Variants in ZBTB20 observed in about 807,000 individuals in gnomAD.
ZBTB20 encodes the protein zinc finger and BTB domain containing 20.
A neutral mutation model predicts 56.9 loss-of-function variants in ZBTB20; 9 were observed. The observed-to-expected ratio is 0.16, with a 90% CI of 0.10 to 0.28. ZBTB20 has a LOEUF of 0.28. ZBTB20 is among the 10% of genes least tolerant of loss of function. The probability of loss-of-function intolerance (pLI) is 1.00; values close to 1 mark genes in which losing one functional copy is unlikely to be tolerated. For missense variants in ZBTB20, 655 were observed against 1,003.0 expected (o/e 0.65, Z 4.69); for synonymous variants, 417 against 420.7 (o/e 0.99, Z 0.11).
rs1044471086 is a variant in ZBTB20 at position 114,335,103 on chromosome 3, A to C, written c.*3902T>G. The C allele has an allele frequency of 3.9e-5, 6 of 152,168 alleles. No individual in the cohort carries two copies. Among genetic ancestry groups the C allele is most frequent in the African/African-American group, 1.4e-4 (6 of 41,454 alleles). The allele number at this position is 152,168 out of a possible 1,614,324, so 9.4% of individuals were successfully genotyped here. A position where few individuals can be genotyped will look rare whatever the true frequency, so the allele number is the denominator to read the frequency against. On this transcript the variant is annotated 3_prime_UTR_variant, in exon 12 of 12. Coordinates refer to ENST00000675478, the MANE Select transcript of ZBTB20 (RefSeq NM_001348800.3). The stretch of plus-strand genomic sequence containing the variant: ...TTATTTTTTTATAAACCATATCTAA[A>C]TATCTTGAGATAAAAATTCCCCTTT...
chr3:115,018,761 G>A (rs918862689), intron 2 of ZBTB20, among the ~76,000 whole-genome samples: 1 of 151,288 alleles, frequency 6.6e-6, no homozygotes, highest in African/African-American at 2.4e-5. Context: ...TTAATGCTTC[G>A]GTAGCATTAA....
intron 5 of ZBTB20, among the ~76,000 whole-genome samples, chr3:114,717,724 T>C (rs780309705): frequency 9.9e-5 from 15 of 152,132 alleles, no homozygotes; most frequent in Non-Finnish European, 1.8e-4. Flanking sequence ...CTTCACTTTC[T>C]ATTCTTTTCT....
intron 4 of ZBTB20, among the ~76,000 whole-genome samples, chr3:114,818,047 A>T (rs188751239): frequency 2.6e-5 from 4 of 152,300 alleles, no homozygotes. Flanking sequence ...AATATCACAT[A>T]TCGTTTTTGT....
At chr3:114,682,047 G>T (rs886365253) in intron 6 of ZBTB20, among the ~76,000 whole-genome samples, 2 of 152,010 alleles carry the variant, frequency 1.3e-5, no homozygotes, top group African/African-American at 4.8e-5. Context: ...AAGTAATTCT[G>T]CTTTTTAAAG....
chr3:115,056,933 CT>C (rs2081816267), intron 2 of ZBTB20, among the ~76,000 whole-genome samples: 1 of 152,122 alleles, frequency 6.6e-6, no homozygotes, highest in African/African-American at 2.4e-5. Flanking sequence ...AGGTTTGTGT[CT>C]AATGAGAGCC....
intron 6 of ZBTB20, among the ~76,000 whole-genome samples, chr3:114,589,461 C>T (rs998585156): frequency 1.3e-5 from 2 of 152,140 alleles, no homozygotes; most frequent in African/African-American, 2.4e-5. Flanking sequence ...CATTCTTAAT[C>T]TCTTTGATTT....
At chr3:114,506,180 A>T (rs2044590637) in intron 6 of ZBTB20, among the ~76,000 whole-genome samples, 1 of 152,184 alleles carries the variant, frequency 6.6e-6, no homozygotes, top group Admixed American at 6.6e-5. Flanking sequence ...ATCCGTCTCA[A>T]GAAGAACAAT....
chr3:114,873,966 C>T (rs2076102390), intron 4 of ZBTB20: 1 of 152,152 alleles, frequency 6.6e-6, no homozygotes. Context: ...CCAACACTGC[C>T]TGGACAAATA....
chr3:114,842,668 A>G (rs917555733), intron 4 of ZBTB20, among the ~76,000 whole-genome samples: 2 of 152,192 alleles, frequency 1.3e-5, no homozygotes, highest in African/African-American at 2.4e-5. Context: ...ACTAAGATCT[A>G]AAAAATGGTT....
intron 3 of ZBTB20, among the ~76,000 whole-genome samples, chr3:114,942,835 A>G (rs2076764703): frequency 6.9e-6 from 1 of 145,554 alleles, no homozygotes; most frequent in East Asian, 1.9e-4. Flanking sequence ...AGATTAGAAC[A>G]TTAAGAAGTC....
intron 6 of ZBTB20, among the ~76,000 whole-genome samples, chr3:114,659,811 A>G (rs894587368): frequency 1.3e-5 from 2 of 152,194 alleles, no homozygotes; most frequent in Non-Finnish European, 2.9e-5. Context: ...TCACTAGCAC[A>G]CAATGCATTT....
At chr3:114,480,361 C>A (rs958047610) in intron 7 of ZBTB20, among the ~76,000 whole-genome samples, 2 of 152,160 alleles carry the variant, frequency 1.3e-5, no homozygotes, top group African/African-American at 2.4e-5. Context: ...TAAACCTTTT[C>A]ATGTACAGAG....
At chr3:114,933,719 A>G (rs764851109) in intron 3 of ZBTB20, among the ~76,000 whole-genome samples, 1 of 152,176 alleles carries the variant, frequency 6.6e-6, no homozygotes, top group Middle Eastern at 3.2e-3. Flanking sequence ...ACAGATTATA[A>G]CCACTACACA....
intron 7 of ZBTB20, among the ~76,000 whole-genome samples, chr3:114,456,280 G>A (rs1390225212): frequency 6.6e-6 from 1 of 151,812 alleles, no homozygotes; most frequent in African/African-American, 2.4e-5. Flanking sequence ...ATTCATTCTA[G>A]GAGAAAAGCA....
chr3:114,409,768 G>A (rs192730171), intron 7 of ZBTB20, among the ~76,000 whole-genome samples: 5 of 152,262 alleles, frequency 3.3e-5, no homozygotes, highest in African/African-American at 1.2e-4. Flanking sequence ...ATGAAGATGT[G>A]CCTCAGAAAG....
chr3:114,355,816 C>A (rs1242157883), intron 10 of ZBTB20, among the ~76,000 whole-genome samples: 4 of 151,284 alleles, frequency 2.6e-5, no homozygotes, highest in African/African-American at 9.7e-5. Context: ...ACTGAATAGG[C>A]ATTTGGGCTA....
chr3:114,546,908 T>C (rs1577448907), intron 6 of ZBTB20, among the ~76,000 whole-genome samples: 1 of 152,048 alleles, frequency 6.6e-6, no homozygotes, highest in South Asian at 2.1e-4. Flanking sequence ...AAGAATACCA[T>C]AGAGTGGAGA....
At chr3:115,098,022 A>G (rs889810612) in intron 1 of ZBTB20, among the ~76,000 whole-genome samples, 1 of 152,232 alleles carries the variant, frequency 6.6e-6, no homozygotes, top group African/African-American at 2.4e-5. Context: ...TGGCTACATT[A>G]TTACTTGCTT....
At chr3:114,485,292 T>C (rs1231241780) in intron 7 of ZBTB20, among the ~76,000 whole-genome samples, 1 of 152,244 alleles carries the variant, frequency 6.6e-6, no homozygotes, top group Non-Finnish European at 1.5e-5. Flanking sequence ...GATTACTGTC[T>C]AGAGTGCATG....
Sources: allele counts gnomAD v4.1 joint callset (sites outside exome capture counted in the v4.1 genomes callset), GRCh38; gene constraint gnomAD v4.1.1; transcripts MANE v1.5; gene names NCBI Gene and HGNC (gene_info 2026-07-23, HGNC 2026-07-21).